Variants in KLF8 observed in about 807,000 individuals in gnomAD.
KLF8 encodes KLF transcription factor 8.
A neutral mutation model predicts 18.2 loss-of-function variants in KLF8; 10 were observed. The ratio of observed to expected loss-of-function variants is 0.55; its 90% CI spans 0.34 to 0.93. KLF8 has a LOEUF of 0.93. KLF8 is among the 40% of genes least tolerant of loss of function. KLF8 has a pLI of 0.02. For missense variants in KLF8, 264 were observed against 277.9 expected (o/e 0.95, Z 0.36); for synonymous variants, 109 against 97.3 (o/e 1.12, Z -0.71).
chrX:56,148,626 A>G, the KLF8 span, among the ~76,000 whole-genome samples: 16 of 112,192 alleles, frequency 1.4e-4, no homozygotes, highest in Admixed American at 1.4e-3. Context: ...AAGAGGTTTA[A>G]TGGACTCACA....
chrX:55,934,548 T>C, the KLF8 span, among the ~76,000 whole-genome samples: 1 of 112,217 alleles, frequency 8.9e-6, no homozygotes, highest in Non-Finnish European at 1.9e-5. Flanking sequence ...AGTTATTCCA[T>C]TGAATAGTAG....
At chrX:56,077,002 T>G in the KLF8 span, among the ~76,000 whole-genome samples, 2 of 112,016 alleles carry the variant, frequency 1.8e-5, no homozygotes, top group South Asian at 3.7e-4. Flanking sequence ...GTTTTTTTCT[T>G]GTAAATTTGT....
chrX:56,083,059 A>G, the KLF8 span, among the ~76,000 whole-genome samples: 1 of 111,446 alleles, frequency 9.0e-6, no homozygotes, highest in East Asian at 2.8e-4. Context: ...TTGGATTTGT[A>G]TATCCTTGTC....
At chrX:55,999,146 T>C in the KLF8 span, among the ~76,000 whole-genome samples, 1 of 109,378 alleles carries the variant, frequency 9.1e-6, no homozygotes, top group Non-Finnish European at 1.9e-5. Context: ...AGAGCAGTTA[T>C]TTGTGGGTAT....
chrX:56,265,603 C>T lies in KLF8; in HGVS notation c.505C>T (p.Pro169Ser), dbSNP rs777027560. 3.3e-6 allele frequency: 4 copies of T among 1,211,789 alleles called. No homozygotes were observed. The highest frequency in any genetic ancestry group is 4.5e-6 in the Non-Finnish European group (4 of 895,480). Residue 169 changes from proline (P) to serine (S), a missense_variant, in exon 3 of 6, where the codon CCA becomes TCA. This residue lies in a region of KLF8 where 221 missense variants were observed against 193.6 expected (regional missense o/e 1.14). Coordinates refer to ENST00000468660, the MANE Select transcript of KLF8 (RefSeq NM_007250.5). Reference sequence around the variant, plus strand: ...TCACACTATCCCCTCAGTCAGTCTGCCAAATAAGATGGGTGGCCTGAAGAC... The same window carrying T: ...TCACACTATCCCCTCAGTCAGTCTGTCAAATAAGATGGGTGGCCTGAAGAC... The part of the protein sequence containing the change: ...VIHTIPSVSL[P>S]NKMGGLKTIP...
chrX:55,957,477 G>A, the KLF8 span, among the ~76,000 whole-genome samples: 1 of 111,936 alleles, frequency 8.9e-6, no homozygotes, highest in East Asian at 2.8e-4. Context: ...AGATTGCTTT[G>A]AGTAGTAGTG....
the KLF8 span, among the ~76,000 whole-genome samples, chrX:55,994,206 G>A: frequency 9.0e-5 from 9 of 100,539 alleles, no homozygotes; most frequent in South Asian, 2.1e-3. Context: ...CACTGCACTC[G>A]GCTTATAGAG....
chrX:56,272,057 C>T (rs1278684157), intron 5 of KLF8, among the ~76,000 whole-genome samples: 1 of 111,320 alleles, frequency 9.0e-6, no homozygotes, highest in Non-Finnish European at 1.9e-5. Flanking sequence ...GTTTTTCTCC[C>T]TAGTGGTGTA....
the KLF8 span, among the ~76,000 whole-genome samples, chrX:56,222,122 T>G: frequency 9.2e-6 from 1 of 108,710 alleles, no homozygotes; most frequent in Non-Finnish European, 1.9e-5. Flanking sequence ...ATTACAAACC[T>G]TGAGCTAGAT....
the KLF8 span, among the ~76,000 whole-genome samples, chrX:55,930,171 T>G: frequency 2.7e-5 from 3 of 112,001 alleles, no homozygotes; most frequent in African/African-American, 9.7e-5. Context: ...CACTCATGAT[T>G]TGGCTCTCTG....
the KLF8 span, among the ~76,000 whole-genome samples, chrX:56,116,323 A>G: frequency 1.8e-5 from 2 of 112,175 alleles, no homozygotes; most frequent in African/African-American, 3.2e-5. Flanking sequence ...ATGAGAGAGA[A>G]GGTAGCCTGA....
At chrX:56,134,595 T>C in the KLF8 span, among the ~76,000 whole-genome samples, 1 of 111,375 alleles carries the variant, frequency 9.0e-6, no homozygotes, top group Non-Finnish European at 1.9e-5. Flanking sequence ...AGATATTGGC[T>C]TGGGCAAAGA....
At chrX:56,200,988 T>C in the KLF8 span, among the ~76,000 whole-genome samples, 1 of 111,751 alleles carries the variant, frequency 8.9e-6, no homozygotes, top group African/African-American at 3.2e-5. Context: ...GTTAGGATTG[T>C]GGAGAAAACT....
the KLF8 span, among the ~76,000 whole-genome samples, chrX:56,135,337 G>A: frequency 2.7e-5 from 3 of 111,594 alleles, no homozygotes; most frequent in African/African-American, 6.5e-5. Context: ...TTAAGAAAAT[G>A]TGGCACATAT....
the KLF8 span, among the ~76,000 whole-genome samples, chrX:56,184,138 C>T: frequency 2.4e-4 from 27 of 112,261 alleles, no homozygotes; most frequent in Middle Eastern, 4.6e-3. Context: ...GGGTGACAGA[C>T]GGCACCTGGA....
the KLF8 span, among the ~76,000 whole-genome samples, chrX:55,940,241 G>A: frequency 3.6e-5 from 4 of 111,774 alleles, no homozygotes; most frequent in Admixed American, 1.9e-4. Context: ...ATGAATAAAC[G>A]TAATCCAGCA....
the KLF8 span, among the ~76,000 whole-genome samples, chrX:55,970,305 A>C: frequency 0.14 from 15,000 of 110,704 alleles, 1,105 homozygotes; most frequent in Non-Finnish European, 0.21. Flanking sequence ...ACTATAGCAA[A>C]AGAATGAAGG....
At chrX:56,162,888 T>A in the KLF8 span, among the ~76,000 whole-genome samples, 1 of 111,846 alleles carries the variant, frequency 8.9e-6, no homozygotes, top group South Asian at 3.7e-4. Context: ...TCTGCACCTG[T>A]TCCTAATCGG....
the KLF8 span, among the ~76,000 whole-genome samples, chrX:56,162,212 G>C: frequency 8.9e-6 from 1 of 112,120 alleles, no homozygotes; most frequent in African/African-American, 3.2e-5. Context: ...GGATACTTGG[G>C]GGTCATGGAC....
Sources: allele counts gnomAD v4.1 joint callset (sites outside exome capture counted in the v4.1 genomes callset), GRCh38; gene constraint gnomAD v4.1.1; regional missense constraint gnomAD v4.1.1; transcripts MANE v1.5; gene names NCBI Gene and HGNC (gene_info 2026-07-23, HGNC 2026-07-21).